GRIA2: variants seen among roughly 807,000 people sequenced by gnomAD.
GRIA2 encodes glutamate receptor 2.
A neutral mutation model predicts 97.3 loss-of-function variants in GRIA2; 14 were observed. The ratio of observed to expected loss-of-function variants is 0.14; its 90% CI spans 0.10 to 0.23. The LOEUF (loss-of-function observed/expected upper bound fraction) is 0.23. GRIA2 is among the 10% of genes least tolerant of loss of function. The pLI, the probability that GRIA2 is intolerant of heterozygous loss-of-function variation, is 1.00. For missense variants in GRIA2, 558 were observed against 1,069.8 expected (o/e 0.52, Z 6.67); for synonymous variants, 412 against 387.8 (o/e 1.06, Z -0.73).
intron 12 of GRIA2, among the ~76,000 whole-genome samples, chr4:157,342,859 C>G (rs1182562278): frequency 1.3e-5 from 2 of 152,002 alleles, no homozygotes; most frequent in Non-Finnish European, 2.9e-5. Flanking sequence ...GAGCATGCAT[C>G]TATGGAGAGT....
chr4:157,294,363 G>A (rs80042611), intron 2 of GRIA2, among the ~76,000 whole-genome samples: 4,313 of 151,462 alleles, frequency 0.028, 123 homozygotes, highest in Middle Eastern at 0.13. Flanking sequence ...ATAATCCCTC[G>A]GTCTTGTACA....
chr4:157,237,289 G>GTTTTTTTTTT (rs541148827), intron 2 of GRIA2, among the ~76,000 whole-genome samples: 1 of 142,338 alleles, frequency 7.0e-6, no homozygotes. Flanking sequence ...AAATGTATAA[G>GTTTTTTTTTT]TTTTTTTTTT....
chr4:157,276,384 G>T (rs1016991195), intron 2 of GRIA2, among the ~76,000 whole-genome samples: 2 of 152,048 alleles, frequency 1.3e-5, no homozygotes, highest in Non-Finnish European at 2.9e-5. Flanking sequence ...CAAAAGAAGT[G>T]CTTGGAGGGA....
At chr4:157,249,169 G>T (rs1182922948) in intron 2 of GRIA2, among the ~76,000 whole-genome samples, 2 of 152,060 alleles carry the variant, frequency 1.3e-5, no homozygotes, top group African/African-American at 2.4e-5. Context: ...TGTGCTAGAC[G>T]CAGTGCTGAG....
At chr4:157,236,315 T>C (rs4260586) in intron 2 of GRIA2, among the ~76,000 whole-genome samples, 1 of 151,792 alleles carries the variant, frequency 6.6e-6, no homozygotes, top group Non-Finnish European at 1.5e-5. Context: ...TTTCACCTCA[T>C]TTCTATGTCT....
chr4:157,349,452 C>G (rs1579383398), intron 12 of GRIA2, among the ~76,000 whole-genome samples: 1 of 138,568 alleles, frequency 7.2e-6, no homozygotes, highest in Non-Finnish European at 1.5e-5. Context: ...TCCCTCCTTC[C>G]CCCGCTTCCT....
intron 2 of GRIA2, among the ~76,000 whole-genome samples, chr4:157,298,638 T>TGA (rs869137145): frequency 6.9e-5 from 8 of 115,394 alleles, no homozygotes; most frequent in Non-Finnish European, 1.5e-4. Context: ...TTTTTTTTTT[T>TGA]GAGAGAGAAC....
At chr4:157,309,783 A>G (rs1733998439) in intron 3 of GRIA2, among the ~76,000 whole-genome samples, 1 of 152,234 alleles carries the variant, frequency 6.6e-6, no homozygotes, top group Non-Finnish European at 1.5e-5. Flanking sequence ...AAAAGTTGAG[A>G]CATAATATTA....
At chr4:157,290,501 CT>C (rs148535009) in intron 2 of GRIA2, among the ~76,000 whole-genome samples, 34,730 of 140,660 alleles carry the variant, frequency 0.25, 4,343 homozygotes, top group African/African-American at 0.35. Flanking sequence ...TACATCACTG[CT>C]TTTTTTTTTT....
chr4:157,362,385 A>C, intron 14 of GRIA2: 1 of 457,208 alleles, frequency 2.2e-6, no homozygotes, highest in Non-Finnish European at 4.4e-6. Flanking sequence ...ACTTGCTTCT[A>C]CAATCACACG....
chr4:157,349,331 G>T (rs542512919), intron 12 of GRIA2, among the ~76,000 whole-genome samples: 1 of 151,744 alleles, frequency 6.6e-6, no homozygotes, highest in East Asian at 1.9e-4. Flanking sequence ...TACTTCCTGC[G>T]TTCCAGGGTT....
At chr4:157,335,314 G>C (rs1471935680) in intron 9 of GRIA2, 1 of 269,236 alleles carries the variant, frequency 3.7e-6, no homozygotes. Context: ...TCAAGGATAA[G>C]GGTGTGGTGA....
At chr4:157,284,271 T>A (rs1312027253) in intron 2 of GRIA2, among the ~76,000 whole-genome samples, 1 of 151,788 alleles carries the variant, frequency 6.6e-6, no homozygotes, top group Admixed American at 6.6e-5. Flanking sequence ...GTTACTTTAT[T>A]GAGAACTTAA....
At chr4:157,342,194 A>G (rs1441875888) in intron 12 of GRIA2, 1 of 960,724 alleles carries the variant, frequency 1.0e-6, no homozygotes, top group Non-Finnish European at 1.2e-6. Flanking sequence ...GTGACATATA[A>G]TGGTCTCTGA....
chr4:157,302,532 T>C (rs1733661195), intron 2 of GRIA2, among the ~76,000 whole-genome samples: 1 of 152,186 alleles, frequency 6.6e-6, no homozygotes, highest in Non-Finnish European at 1.5e-5. Context: ...GTTCACTTAA[T>C]ATTATTCTAT....
intron 2 of GRIA2, among the ~76,000 whole-genome samples, chr4:157,283,275 C>A (rs1311913168): frequency 2.0e-5 from 3 of 151,788 alleles, no homozygotes; most frequent in Non-Finnish European, 4.4e-5. Flanking sequence ...TTGAGATTGT[C>A]GGACTTTGCA....
chr4:157,248,944 C>T (rs1380157282), intron 2 of GRIA2, among the ~76,000 whole-genome samples: 2 of 151,664 alleles, frequency 1.3e-5, no homozygotes, highest in East Asian at 3.9e-4. Flanking sequence ...ATCAAGCAAT[C>T]CTCTCAAATC....
intron 2 of GRIA2, among the ~76,000 whole-genome samples, chr4:157,266,725 T>A (rs543357656): frequency 7.2e-5 from 11 of 152,078 alleles, no homozygotes; most frequent in African/African-American, 2.2e-4. Flanking sequence ...TTCAGCAAGG[T>A]TGTTCTATCT....
chr4:157,299,262 T>C (rs1251100826), intron 2 of GRIA2, among the ~76,000 whole-genome samples: 3 of 152,102 alleles, frequency 2.0e-5, no homozygotes, highest in Non-Finnish European at 4.4e-5. Flanking sequence ...ATTTCAGTAC[T>C]GAAATCAGGG....
Sources: gnomAD v4.1 joint callset for allele counts (sites outside exome capture counted in the v4.1 genomes callset) on GRCh38, gnomAD v4.1.1 for gene constraint, MANE v1.5 for transcripts, NCBI Gene and HGNC (gene_info 2026-07-23, HGNC 2026-07-21) for gene names.